Variants in PPARG observed in about 807,000 individuals in gnomAD.
PPARG encodes the protein peroxisome proliferator-activated receptor gamma.
Under a neutral mutation model 39.2 loss-of-function variants are expected in PPARG, and 17 were observed. The observed-to-expected ratio is 0.43, with a 90% CI of 0.30 to 0.65. PPARG has a LOEUF of 0.65. Ranked by LOEUF, PPARG falls within the 30% of genes least tolerant of loss-of-function variation. The probability of loss-of-function intolerance (pLI) is 0.13; values close to 1 mark genes in which losing one functional copy is unlikely to be tolerated. For synonymous variants in PPARG, 223 were observed against 215.7 expected (o/e 1.03, Z -0.30); for missense variants, 406 against 585.9 (o/e 0.69, Z 3.17).
chr3:12,402,316 CCTT>C (rs2050504699), intron 5 of PPARG, among the ~76,000 whole-genome samples: 1 of 152,148 alleles, frequency 6.6e-6, no homozygotes, highest in African/African-American at 2.4e-5. Flanking sequence ...CACCAGAATG[CCTT>C]CTTCTTTTAA....
rs763647203 is a variant in PPARG at position 12,405,950 on chromosome 3, G to C, written c.598G>C (p.Asp200His). Residue 200 changes from aspartate to histidine, a missense_variant, in exon 6 of 8, where the codon GAC becomes CAC. Coordinates refer to ENST00000651735, the MANE Select transcript of PPARG (RefSeq NM_138711.6). ...GTTGGCGGAGATCTCCAGTGATATC[G>C]ACCAGCTGAATCCAGAGTCCGCTGA... ...KLLAEISSDI[D>H]QLNPESADLR... is the part of the protein sequence containing the mutation. The C allele has an allele frequency of 1.2e-6, 2 of 1,613,998 alleles. No individual in the cohort carries two copies. Among genetic ancestry groups the C allele is most frequent in the East Asian group, 2.2e-5 (1 of 44,884 alleles).
intron 7 of PPARG, among the ~76,000 whole-genome samples, 180 bp downstream of exon 7, chr3:12,417,334 G>A (rs886150900): frequency 1.3e-4 from 20 of 152,000 alleles, no homozygotes; most frequent in Admixed American, 3.3e-4. Context: ...ATAGGTTTGC[G>A]GTGTGAAGGT....
chr3:12,323,538 C>T (rs1292587391), intron 2 of PPARG, among the ~76,000 whole-genome samples: 3 of 152,156 alleles, frequency 2.0e-5, no homozygotes, highest in African/African-American at 7.2e-5. Flanking sequence ...CCTGTGTAAT[C>T]TTATTTTATT....
chr3:12,429,799 C>T (rs140574629), intron 7 of PPARG, among the ~76,000 whole-genome samples: 33 of 152,298 alleles, frequency 2.2e-4, no homozygotes, highest in African/African-American at 7.2e-4. Context: ...TTCAATGAAG[C>T]ATCAGTGGCT....
At chr3:12,367,844 C>A (rs1051211219) in intron 2 of PPARG, among the ~76,000 whole-genome samples, 1 of 151,796 alleles carries the variant, frequency 6.6e-6, no homozygotes, top group Non-Finnish European at 1.5e-5. Flanking sequence ...CACTGCACTC[C>A]AGCCTGCATG....
intron 6 of PPARG, among the ~76,000 whole-genome samples, chr3:12,412,672 G>A (rs2050916604): frequency 6.6e-6 from 1 of 152,142 alleles, no homozygotes; most frequent in Admixed American, 6.5e-5. Context: ...TCACCATGAA[G>A]CTAATGAAGC....
rs577904640 is a variant in PPARG at position 12,391,489 on chromosome 3, G to T, written c.391-1125G>T. Among the ~76,000 whole-genome samples the T allele has an allele frequency of 2.6e-5, 4 of 152,262 alleles. No homozygotes were observed. In the East Asian group the frequency reaches 7.7e-4, roughly 29 times the overall value. On this transcript the variant is annotated intron_variant, in intron 4 of 7. Transcript: ENST00000651735. ...ATAGGCAAGTGTGTATTTAGAGAAA[G>T]CTTTCTTCTTGAGGAAAGAAAGAAG... is the stretch of plus-strand genomic sequence containing the variant.
In PPARG at chr3:12,397,378, T is replaced by TTTATTA. The variant is rs200520715; in HGVS notation, c.529+4671_529+4676dup. On this transcript the variant is annotated intron_variant, in intron 5 of 7. Transcript: ENST00000651735. The stretch of plus-strand genomic sequence containing the variant: ...AGATTTCAACTTTAACCTATTCCTT[T>TTTATTA]TTATTATTATTATTATTATTATTAT... 7.8e-3 allele frequency among the ~76,000 whole-genome samples: 1,030 copies of TTTATTA among 132,092 alleles called. 11 individuals are homozygous for TTTATTA. Among genetic ancestry groups the TTTATTA allele is most frequent in the Middle Eastern group, 0.026 (7 of 270 alleles). The allele number at this position is 132,092 out of a possible 152,430, so 86.7% of individuals were successfully genotyped here. A position where few individuals can be genotyped will look rare whatever the true frequency, so the allele number is the denominator to read the frequency against.
chr3:12,396,744 C>G (rs2125227201), intron 5 of PPARG, among the ~76,000 whole-genome samples: 1 of 118,240 alleles, frequency 8.5e-6, no homozygotes, highest in Middle Eastern at 6.0e-3. Context: ...GGTAACAGAG[C>G]AAGACCCAGT....
chr3:12,366,199 CTGTT>C lies in PPARG; in HGVS notation c.-8-13502_-8-13499del, dbSNP rs1309960241. On this transcript the variant is annotated intron_variant, in intron 2 of 7. Coordinates refer to ENST00000651735, the MANE Select transcript of PPARG (RefSeq NM_138711.6). ...AGACATTATGAGGAAAATGTAATGT[CTGTT>C]TGGGGGTAATGTGTTTTTAATATTA... 2.6e-5 allele frequency among the ~76,000 whole-genome samples: 4 copies of C among 151,998 alleles called. No homozygotes were observed. In the East Asian group the frequency reaches 5.8e-4, roughly 22 times the overall value.
intron 2 of PPARG, among the ~76,000 whole-genome samples, chr3:12,323,729 C>G (rs558835659): frequency 1.2e-3 from 181 of 150,714 alleles, no homozygotes; most frequent in African/African-American, 4.2e-3. Context: ...AATTGAAATG[C>G]TGCAAAATGG....
chr3:12,327,774 C>G (rs1044667818), intron 2 of PPARG, among the ~76,000 whole-genome samples: 1 of 152,118 alleles, frequency 6.6e-6, no homozygotes, highest in African/African-American at 2.4e-5. Context: ...GTTAAAATCC[C>G]AGGATTTTTC....
chr3:12,333,800 T>C (rs2047931197), intron 2 of PPARG, among the ~76,000 whole-genome samples: 1 of 152,184 alleles, frequency 6.6e-6, no homozygotes, highest in South Asian at 2.1e-4. Context: ...TGAGGTTCTG[T>C]TGAGTGACGC....
intron 4 of PPARG, among the ~76,000 whole-genome samples, chr3:12,387,130 T>A (rs569226695): frequency 2.0e-5 from 3 of 152,348 alleles, no homozygotes; most frequent in Non-Finnish European, 4.4e-5. Flanking sequence ...TGATGGACAT[T>A]TGGGTCAGTT....
chr3:12,288,439 G>T (rs924927658), upstream of PPARG, among the ~76,000 whole-genome samples: 1 of 151,972 alleles, frequency 6.6e-6, no homozygotes, highest in African/African-American at 2.4e-5. Flanking sequence ...GGAGAGCGCC[G>T]GGTGGGCGCG....
chr3:12,349,806 T>C (rs1296612953), intron 2 of PPARG, among the ~76,000 whole-genome samples: 2 of 152,162 alleles, frequency 1.3e-5, no homozygotes, highest in East Asian at 3.8e-4. Flanking sequence ...TATGGAATAA[T>C]AAATTGTTAA....
intron 1 of PPARG, among the ~76,000 whole-genome samples, chr3:12,293,725 A>G (rs1257239583): frequency 6.6e-6 from 1 of 152,190 alleles, no homozygotes; most frequent in Non-Finnish European, 1.5e-5. Flanking sequence ...ACTAAAGGAG[A>G]TAATTTGGGC....
At chr3:12,427,553 TCTAC>T (rs1488327294) in intron 7 of PPARG, among the ~76,000 whole-genome samples, 1 of 152,222 alleles carries the variant, frequency 6.6e-6, no homozygotes, top group Non-Finnish European at 1.5e-5. Context: ...CTAAAGTTCC[TCTAC>T]CTATTTCATT....
At chr3:12,425,569 G>T (rs997323658) in intron 7 of PPARG, among the ~76,000 whole-genome samples, 2 of 152,190 alleles carry the variant, frequency 1.3e-5, no homozygotes, top group African/African-American at 4.8e-5. Context: ...GGAGATGGCA[G>T]GTTAGTGGTA....
Sources: gnomAD v4.1 joint callset for allele counts (sites outside exome capture counted in the v4.1 genomes callset) on GRCh38, gnomAD v4.1.1 for gene constraint, MANE v1.5 for transcripts, NCBI Gene and HGNC (gene_info 2026-07-23, HGNC 2026-07-21) for gene names.